The following TNFAIP8 variants were observed in gnomAD, a reference collection of about 807,000 sequenced individuals.
TNFAIP8 encodes TNF alpha induced protein 8.
In TNFAIP8, 7 loss-of-function variants were observed where a neutral mutation model predicts 13.3. That is an observed-to-expected ratio of 0.52 (90% CI 0.30 to 0.99). The LOEUF (loss-of-function observed/expected upper bound fraction) is 0.99. Ranked by LOEUF, TNFAIP8 falls within the 50% of genes least tolerant of loss-of-function variation. The pLI is 0.07. For synonymous variants in TNFAIP8, 94 were observed against 87.6 expected (o/e 1.07, Z -0.41); for missense variants, 258 against 236.9 (o/e 1.09, Z -0.58).
intron 1 of TNFAIP8, among the ~76,000 whole-genome samples, chr5:119,295,144 A>G (rs1472592568): frequency 6.6e-6 from 1 of 151,070 alleles, no homozygotes; most frequent in African/African-American, 2.4e-5. Context: ...GGTAATGCCT[A>G]GGTTTTCTTC....
At chr5:119,297,321 G>T (rs982291413) in intron 1 of TNFAIP8, among the ~76,000 whole-genome samples, 1 of 151,970 alleles carries the variant, frequency 6.6e-6, no homozygotes, top group African/African-American at 2.4e-5. Flanking sequence ...GTTCTCGTTG[G>T]TTTCAAAGAA....
chr5:119,269,855 A>C (rs1207404980), intron 1 of TNFAIP8, among the ~76,000 whole-genome samples: 1 of 152,194 alleles, frequency 6.6e-6, no homozygotes, highest in Admixed American at 6.5e-5. Context: ...TACATTTAAA[A>C]AGTTAATTGG....
chr5:119,337,677 G>C (rs1359850819), intron 1 of TNFAIP8, among the ~76,000 whole-genome samples: 1 of 152,244 alleles, frequency 6.6e-6, no homozygotes, highest in East Asian at 1.9e-4. Context: ...GGGCTGCCGT[G>C]AGCAGTAGGC....
At chr5:119,301,471 C>A (rs560807729) in intron 1 of TNFAIP8, among the ~76,000 whole-genome samples, 1 of 152,324 alleles carries the variant, frequency 6.6e-6, no homozygotes, top group South Asian at 2.1e-4. Flanking sequence ...GCAGCTGCTT[C>A]TTTCCCTGGG....
chr5:119,324,229 C>T (rs1219959719), intron 1 of TNFAIP8, among the ~76,000 whole-genome samples: 7 of 127,280 alleles, frequency 5.5e-5, no homozygotes, highest in East Asian at 4.7e-4. Context: ...GAGCCGAGAT[C>T]GCGCCACTGC....
chr5:119,384,592 G>A (rs1476137690), intron 1 of TNFAIP8, among the ~76,000 whole-genome samples: 1 of 152,200 alleles, frequency 6.6e-6, no homozygotes, highest in South Asian at 2.1e-4. Context: ...TGTTATCACT[G>A]TAATCATTAT....
intron 1 of TNFAIP8, among the ~76,000 whole-genome samples, chr5:119,361,711 T>C (rs1321166334): frequency 2.6e-5 from 4 of 152,222 alleles, no homozygotes; most frequent in Non-Finnish European, 5.9e-5. Context: ...CAGTTTGACC[T>C]GCCATTTATG....
intron 1 of TNFAIP8, among the ~76,000 whole-genome samples, chr5:119,372,685 C>G (rs1399401430): frequency 6.6e-6 from 1 of 152,142 alleles, no homozygotes; most frequent in African/African-American, 2.4e-5. Context: ...AGTGGCTGGG[C>G]ACTATGGCTC....
At chr5:119,310,211 C>T (rs1346956863) in intron 1 of TNFAIP8, among the ~76,000 whole-genome samples, 1 of 152,206 alleles carries the variant, frequency 6.6e-6, no homozygotes, top group Non-Finnish European at 1.5e-5. Flanking sequence ...ACAGATGTCA[C>T]TCTTTCGCTC....
intron 1 of TNFAIP8, chr5:119,333,448 A>T: frequency 1.4e-6 from 2 of 1,392,938 alleles, no homozygotes; most frequent in Non-Finnish European, 1.9e-6. Flanking sequence ...GATTTTTCAA[A>T]AGAATAGTAT....
chr5:119,321,373 T>G (rs1364758054), intron 1 of TNFAIP8, among the ~76,000 whole-genome samples: 1 of 150,812 alleles, frequency 6.6e-6, no homozygotes, highest in African/African-American at 2.5e-5. Flanking sequence ...ATTGAGAATC[T>G]GGATGATTTC....
At chr5:119,294,444 CATT>C (rs1335160128) in intron 1 of TNFAIP8, among the ~76,000 whole-genome samples, 1 of 152,128 alleles carries the variant, frequency 6.6e-6, no homozygotes, top group Non-Finnish European at 1.5e-5. Context: ...TCCAGTCTAT[CATT>C]GTTGGACATT....
chr5:119,292,522 A>C (rs964191493), intron 1 of TNFAIP8, among the ~76,000 whole-genome samples: 6 of 151,002 alleles, frequency 4.0e-5, no homozygotes, highest in Non-Finnish European at 7.4e-5. Flanking sequence ...TGTCTACCCC[A>C]AAAAATGAAA....
intron 1 of TNFAIP8, among the ~76,000 whole-genome samples, chr5:119,388,263 G>A (rs550599121): frequency 6.6e-6 from 1 of 152,278 alleles, no homozygotes; most frequent in Admixed American, 6.5e-5. Context: ...ACTCTGGAGC[G>A]CACTTAGAGG....
chr5:119,381,731 A>G (rs1394133984), intron 1 of TNFAIP8, among the ~76,000 whole-genome samples: 8 of 152,136 alleles, frequency 5.3e-5, no homozygotes, highest in Non-Finnish European at 8.8e-5. Flanking sequence ...GAGTTTTACC[A>G]GGGACAGAGT....
At chr5:119,289,493 GA>G (rs1222496060) in intron 1 of TNFAIP8, among the ~76,000 whole-genome samples, 2 of 152,220 alleles carry the variant, frequency 1.3e-5, no homozygotes, top group African/African-American at 4.8e-5. Flanking sequence ...CTCTTTTAAA[GA>G]TTGGAGAATT....
intron 1 of TNFAIP8, among the ~76,000 whole-genome samples, chr5:119,282,830 A>G (rs1374919685): frequency 1.3e-5 from 2 of 152,068 alleles, no homozygotes; most frequent in African/African-American, 4.8e-5. Context: ...TTTGGTCTTC[A>G]TTTCTTGCCC....
At chr5:119,350,139 A>G (rs1030314248) in intron 1 of TNFAIP8, among the ~76,000 whole-genome samples, 1 of 152,192 alleles carries the variant, frequency 6.6e-6, no homozygotes, top group South Asian at 2.1e-4. Context: ...CCAGCCCTCC[A>G]TATCTGTGCG....
In TNFAIP8 at chr5:119,397,768, C is replaced by T. The variant is rs562965373; in HGVS notation, c.*4387C>T. On this transcript the variant is annotated 3_prime_UTR_variant, in exon 2 of 2. Transcript: ENST00000504771. The stretch of plus-strand genomic sequence containing the variant: ...TAATCCCGTATAGTCACCATCACCA[C>T]GAAGTATTGAAAATCTGTTTTCTCT... 9 of 152,294 alleles carry T rather than the reference C, an allele frequency of 5.9e-5. No homozygotes were observed. Among genetic ancestry groups the T allele is most frequent in the South Asian group, 2.1e-4 (1 of 4,828 alleles). The allele number at this position is 152,294 out of a possible 1,614,324, so 9.4% of individuals were successfully genotyped here.
Sources: gnomAD v4.1 joint callset for allele counts (sites outside exome capture counted in the v4.1 genomes callset) on GRCh38, gnomAD v4.1.1 for gene constraint, MANE v1.5 for transcripts, NCBI Gene and HGNC (gene_info 2026-07-23, HGNC 2026-07-21) for gene names.